NSUN6: variants seen among roughly 807,000 people sequenced by gnomAD.
The protein encoded by NSUN6 is NOP2/Sun RNA methyltransferase 6, also known as tRNA (cytosine(72)-C(5))-methyltransferase NSUN6.
In NSUN6, 64 loss-of-function variants were observed where a neutral mutation model predicts 58.0. That is an observed-to-expected ratio of 1.10 (90% CI 0.90 to 1.36). NSUN6 has a LOEUF of 1.36. NSUN6 is among the 40% of genes most tolerant of loss of function. The pLI, the probability that NSUN6 is intolerant of heterozygous loss-of-function variation, is 0.00. For synonymous variants in NSUN6, 231 were observed against 193.9 expected (o/e 1.19, Z -1.59); for missense variants, 701 against 550.1 (o/e 1.27, Z -2.74).
At chr10:18,604,101 G>A (rs1205589538) in intron 6 of NSUN6, among the ~76,000 whole-genome samples, 1 of 152,130 alleles carries the variant, frequency 6.6e-6, no homozygotes, top group Non-Finnish European at 1.5e-5. Flanking sequence ...AGAATCACTT[G>A]AACCTGGGAG....
intron 9 of NSUN6, among the ~76,000 whole-genome samples, chr10:18,550,713 A>AC (rs1334154537): frequency 7.5e-6 from 1 of 133,714 alleles, no homozygotes; most frequent in Non-Finnish European, 1.6e-5. Flanking sequence ...TCTAAAGACG[A>AC]CCCCCAAAAA....
At chr10:18,593,908 A>C (rs1274691785) in intron 7 of NSUN6, among the ~76,000 whole-genome samples, 3 of 151,466 alleles carry the variant, frequency 2.0e-5, no homozygotes, top group Non-Finnish European at 4.4e-5. Flanking sequence ...AATTTTAAGA[A>C]TGCATCGTGG....
At chr10:18,652,470 T>TTTCCATGAC (rs1564856198), upstream of NSUN6, 5 of 984,380 alleles carry the variant, frequency 5.1e-6, no homozygotes, top group Admixed American at 2.5e-4. Flanking sequence ...GAACAGGTAC[T>TTTCCATGAC]TTCCATGACA....
intron 1 of NSUN6, among the ~76,000 whole-genome samples, chr10:18,650,862 C>G: frequency 6.6e-6 from 1 of 152,210 alleles, no homozygotes; most frequent in South Asian, 2.1e-4. Flanking sequence ...CTTGTTCATC[C>G]TTGTAACCCT....
intron 6 of NSUN6, among the ~76,000 whole-genome samples, chr10:18,605,007 T>C (rs2131286686): frequency 6.6e-6 from 1 of 151,028 alleles, no homozygotes; most frequent in Non-Finnish European, 1.5e-5. Context: ...TGCCTCAGCC[T>C]CCTGAGTAGC....
At chr10:18,564,828 C>G (rs2055804219) in intron 8 of NSUN6, among the ~76,000 whole-genome samples, 1 of 150,564 alleles carries the variant, frequency 6.6e-6, no homozygotes, top group South Asian at 2.1e-4. Flanking sequence ...AATTCATTCT[C>G]CATTCAATTC....
intron 6 of NSUN6, among the ~76,000 whole-genome samples, chr10:18,599,986 T>C (rs1198050570): frequency 6.6e-6 from 1 of 152,176 alleles, no homozygotes. Context: ...TATAGTACAG[T>C]TGTAATTTTA....
chr10:18,601,678 T>G (rs2057844752), intron 6 of NSUN6, among the ~76,000 whole-genome samples: 1 of 152,184 alleles, frequency 6.6e-6, no homozygotes, highest in Non-Finnish European at 1.5e-5. Flanking sequence ...AGTTCTCATT[T>G]TTTTACTTAT....
At chr10:18,638,355 T>C (rs2059284535) in intron 3 of NSUN6, among the ~76,000 whole-genome samples, 1 of 152,032 alleles carries the variant, frequency 6.6e-6, no homozygotes, top group African/African-American at 2.4e-5. Context: ...GGCAGGAGAA[T>C]CACTTGAACC....
chr10:18,573,860 A>G (rs1190388907), intron 8 of NSUN6, among the ~76,000 whole-genome samples: 1 of 152,160 alleles, frequency 6.6e-6, no homozygotes, highest in Non-Finnish European at 1.5e-5. Flanking sequence ...AGAACTCGGG[A>G]AATTTTTAGG....
At chr10:18,642,930 T>G (rs913618022) in intron 2 of NSUN6, among the ~76,000 whole-genome samples, 3 of 152,182 alleles carry the variant, frequency 2.0e-5, no homozygotes, top group Admixed American at 2.0e-4. Context: ...TGATAAATAC[T>G]ACCTAATATA....
chr10:18,642,583 T>C (rs7907153), intron 2 of NSUN6, 28 bp from the exon 3 acceptor site: 592,801 of 1,057,552 alleles, frequency 0.56, 171,739 homozygotes, highest in East Asian at 0.95. Context: ...GATTATAAAG[T>C]AATCCATACA....
intron 3 of NSUN6, among the ~76,000 whole-genome samples, chr10:18,637,006 G>T (rs1245784835): frequency 6.9e-6 from 1 of 144,536 alleles, no homozygotes; most frequent in African/African-American, 2.6e-5. Context: ...CTTATCGTCC[G>T]GGCTCCAGTG....
intron 8 of NSUN6, among the ~76,000 whole-genome samples, chr10:18,555,002 T>A (rs1011696334): frequency 6.9e-6 from 1 of 144,190 alleles, no homozygotes; most frequent in Non-Finnish European, 1.5e-5. Context: ...TAATGGAGAA[T>A]AGAATGGAAT....
chr10:18,575,817 AG>A lies in NSUN6; in HGVS notation c.922+10131del, dbSNP rs138229468. 4.2e-3 allele frequency among the ~76,000 whole-genome samples: 633 copies of A among 152,338 alleles called. 6 individuals are homozygous for A. Among genetic ancestry groups the A allele is most frequent in the African/African-American group, 0.014 (588 of 41,572 alleles). ...CTGATACTCCTACCTTTGAAACAAA[AG>A]ATCAATTCCTAAAAAATTATATACT... On this transcript the variant is annotated intron_variant, in intron 8 of 10. Coordinates refer to ENST00000377304, the MANE Select transcript of NSUN6 (RefSeq NM_182543.5).
intron 6 of NSUN6, among the ~76,000 whole-genome samples, chr10:18,608,570 T>C (rs1455528841): frequency 1.4e-5 from 2 of 143,026 alleles, no homozygotes; most frequent in African/African-American, 5.2e-5. Flanking sequence ...GCCTGGGAGG[T>C]CAAGGCTGCA....
chr10:18,570,868 A>G (rs2056319282), intron 8 of NSUN6, among the ~76,000 whole-genome samples: 1 of 131,526 alleles, frequency 7.6e-6, no homozygotes, highest in South Asian at 2.5e-4. Flanking sequence ...TCCATTCTCC[A>G]CTGCATTCCA....
chr10:18,552,561 A>G (rs1023900302), intron 8 of NSUN6, among the ~76,000 whole-genome samples: 1 of 151,936 alleles, frequency 6.6e-6, no homozygotes, highest in African/African-American at 2.4e-5. Context: ...TGTGAAACCA[A>G]GTGGTCTGTT....
At chr10:18,587,349 C>T (rs1366005331) in intron 7 of NSUN6, among the ~76,000 whole-genome samples, 2 of 152,106 alleles carry the variant, frequency 1.3e-5, no homozygotes, top group Non-Finnish European at 2.9e-5. Context: ...TGAACCCTGG[C>T]AACCAAAACT....
Sources: gnomAD v4.1 joint callset for allele counts (sites outside exome capture counted in the v4.1 genomes callset) on GRCh38, gnomAD v4.1.1 for gene constraint, MANE v1.5 for transcripts, NCBI Gene and HGNC (gene_info 2026-07-23, HGNC 2026-07-21) for gene names.